ZNF680: variants seen among roughly 807,000 people sequenced by gnomAD.
The protein encoded by ZNF680 is hypothetical protein FLJ90430.
A neutral mutation model predicts 12.1 loss-of-function variants in ZNF680; 6 were observed. The observed-to-expected ratio is 0.49, with a 90% confidence interval of 0.27 to 0.98. The LOEUF is 0.98. ZNF680 is among the 50% of genes least tolerant of loss of function. The pLI is 0.12. For missense variants in ZNF680, 561 were observed against 616.3 expected, an observed-to-expected ratio of 0.91 and a Z score of 0.95; for synonymous variants, 170 against 199.3, an observed-to-expected ratio of 0.85 and a Z score of 1.24.
intron 1 of ZNF680, among the ~76,000 whole-genome samples, chr7:64,560,312 C>T (rs895023285): frequency 1.3e-5 from 2 of 152,026 alleles, no homozygotes; most frequent in African/African-American, 4.8e-5. Flanking sequence ...CAAGGCTTCA[C>T]CATGTTGGCC....
chr7:64,526,330 A>G, intron 3 of ZNF680: 1 of 1,217,384 alleles, frequency 8.2e-7, no homozygotes, highest in Admixed American at 4.4e-5. Flanking sequence ...AGATAAAAAT[A>G]AAGACTTTTC....
chr7:64,554,788 G>C (rs370450187), intron 1 of ZNF680, among the ~76,000 whole-genome samples: 1 of 152,004 alleles, frequency 6.6e-6, no homozygotes, highest in Non-Finnish European at 1.5e-5. Context: ...GCTTGAAGGC[G>C]GCATACTCGT....
intron 1 of ZNF680, among the ~76,000 whole-genome samples, chr7:64,545,905 C>T (rs1009448800): frequency 5.3e-5 from 8 of 152,114 alleles, no homozygotes; most frequent in South Asian, 4.1e-4. Flanking sequence ...AGTATCCACA[C>T]GTTCCCATAA....
chr7:64,515,003 A>T (rs1791317937), downstream of ZNF680, among the ~76,000 whole-genome samples: 1 of 151,816 alleles, frequency 6.6e-6, no homozygotes, highest in Non-Finnish European at 1.5e-5. Flanking sequence ...AGATCGCGCC[A>T]TTGCACTCCA....
intron 3 of ZNF680, among the ~76,000 whole-genome samples, chr7:64,527,186 C>T (rs1044268059): frequency 1.3e-5 from 2 of 151,880 alleles, no homozygotes; most frequent in Non-Finnish European, 2.9e-5. Context: ...TGCAGTGAGC[C>T]GAGATCACGC....
intron 1 of ZNF680, 137 bp from the exon 2 acceptor site, chr7:64,544,569 C>A: frequency 2.2e-6 from 3 of 1,369,358 alleles, no homozygotes; most frequent in South Asian, 3.1e-5. Context: ...AGGAGTGAGT[C>A]AAATTATACA....
intron 3 of ZNF680, chr7:64,526,000 G>A: frequency 1.0e-6 from 1 of 984,752 alleles, no homozygotes; most frequent in East Asian, 1.1e-4. Flanking sequence ...AAATTTTACA[G>A]AGTTAAATAC....
At chr7:64,501,458 A>T in the ZNF680 span, 1 of 923,082 alleles carries the variant, frequency 1.1e-6, no homozygotes. Context: ...CCCCTGGAAA[A>T]CCTGGAAAAA....
At chr7:64,543,349 G>A (rs986885476) in intron 3 of ZNF680, among the ~76,000 whole-genome samples, 13 of 152,108 alleles carry the variant, frequency 8.5e-5, no homozygotes, top group Admixed American at 2.0e-4. Flanking sequence ...CATTTCAGAC[G>A]TGATGTAGAA....
At chr7:64,502,780 A>G in the ZNF680 span, among the ~76,000 whole-genome samples, 1 of 91,598 alleles carries the variant, frequency 1.1e-5, no homozygotes, top group African/African-American at 3.8e-5. Flanking sequence ...ATTGAATCAT[A>G]TATCCTGAAG....
chr7:64,511,059 C>A, the ZNF680 span, among the ~76,000 whole-genome samples: 2 of 151,618 alleles, frequency 1.3e-5, no homozygotes, highest in Admixed American at 6.6e-5. Flanking sequence ...ATCACGAGGT[C>A]AGGAGTTCGA....
At position 64,521,860 on chromosome 7, in the gene ZNF680, T is replaced by C. The variant is rs149100081; in HGVS notation, c.894A>G (p.Glu298=). Reference sequence around the variant, plus strand: ...CAAACCAGTTAAAGGCTTTGTGACATTCATCACATTTGTAAGGTTTGTCTC... The same window carrying C: ...CAAACCAGTTAAAGGCTTTGTGACACTCATCACATTTGTAAGGTTTGTCTC... ...HTGDKPYKCD[E]CHKAFNWFAT... is the part of the protein sequence containing the mutation. Residue 298 remains glutamate, a synonymous_variant, in exon 4 of 4, where the codon GAA becomes GAG. Transcript: ENST00000309683. 15 of 1,613,412 alleles carry C rather than the reference T, an allele frequency of 9.3e-6. No individual in the cohort carries two copies. In the Middle Eastern group the frequency reaches 4.9e-4, roughly 53 times the overall value.
At chr7:64,510,300 C>T in the ZNF680 span, among the ~76,000 whole-genome samples, 4 of 151,584 alleles carry the variant, frequency 2.6e-5, no homozygotes, top group South Asian at 8.3e-4. Context: ...CTCGTAGTAA[C>T]TCTAAACTGT....
rs1791461534 is a variant in ZNF680, at chr7:64,520,325, AT to A, written c.*835del. On this transcript the variant is annotated 3_prime_UTR_variant, in exon 4 of 4. Transcript: ENST00000309683. ...TTATTTACTTTTCAAATAAGCCATAATTTTTTCAAGAAAAAAAGTATACTTT... is the reference window on the plus strand; with the variant it reads ...TTATTTACTTTTCAAATAAGCCATAATTTTTCAAGAAAAAAAGTATACTTT... 6.6e-6 allele frequency: 1 copy of A among 151,728 alleles called. No individual in the cohort carries two copies. Among genetic ancestry groups the A allele is most frequent in the Admixed American group, 6.6e-5 (1 of 15,238 alleles). The allele number at this position is 151,728 out of a possible 1,614,324, so 9.4% of individuals were successfully genotyped here.
At chr7:64,526,421 G>A (rs1303534618) in intron 3 of ZNF680, 3 of 1,491,966 alleles carry the variant, frequency 2.0e-6, no homozygotes, top group South Asian at 1.3e-5. Flanking sequence ...CTGGCAAAGT[G>A]GATTATTTCT....
rs566023304 is a variant in ZNF680 at position 64,556,121 on chromosome 7, A to T, written c.30+6804T>A. Among the ~76,000 whole-genome samples the T allele has an allele frequency of 2.8e-4, 42 of 152,240 alleles. 1 individual carries two copies. The highest frequency in any genetic ancestry group is 6.8e-3 in the Middle Eastern group (2 of 294). ...AAAATGCTTCTTAAAGAAGTCAGAGATGACACAAGCCAATGGGCAGCCATT... is the reference window on the plus strand; with the variant it reads ...AAAATGCTTCTTAAAGAAGTCAGAGTTGACACAAGCCAATGGGCAGCCATT... On this transcript the variant is annotated intron_variant, in intron 1 of 3. Coordinates refer to ENST00000309683, the MANE Select transcript of ZNF680 (RefSeq NM_178558.5).
At chr7:64,509,042 T>TC in the ZNF680 span, among the ~76,000 whole-genome samples, 1 of 152,120 alleles carries the variant, frequency 6.6e-6, no homozygotes, top group African/African-American at 2.4e-5. Context: ...CCTCCCCCTC[T>TC]CCATTTGTTT....
rs544190558 is a variant in ZNF680 at position 64,521,026 on chromosome 7, TAC to T, written c.*133_*134del. 1.5e-3 allele frequency: 1,500 copies of T among 982,754 alleles called. 5 individuals are homozygous for T. Among genetic ancestry groups the T allele is most frequent in the South Asian group, 3.1e-3 (174 of 56,554 alleles). 60.9% of individuals were successfully genotyped at this position (982,754 alleles called of 1,614,324 possible). A position where few individuals can be genotyped will look rare whatever the true frequency, so the allele number is the denominator to read the frequency against. On this transcript the variant is annotated 3_prime_UTR_variant, in exon 4 of 4. Transcript: ENST00000309683. ...ATTGGTTAAGTTTTGTCACATTCTT[TAC>T]ACTTATAAAGTTTTCTCCAATATAA...
At chr7:64,514,318 G>C in the ZNF680 span, among the ~76,000 whole-genome samples, 1 of 152,144 alleles carries the variant, frequency 6.6e-6, no homozygotes, top group Non-Finnish European at 1.5e-5. Flanking sequence ...AGATTCTAAT[G>C]TCTAAATGTG....
Sources: allele counts gnomAD v4.1 joint callset (sites outside exome capture counted in the v4.1 genomes callset), GRCh38; gene constraint gnomAD v4.1.1; transcripts MANE v1.5; gene names NCBI Gene and HGNC (gene_info 2026-07-23, HGNC 2026-07-21).